Variants in ASAP1 observed in about 807,000 individuals in gnomAD.
ASAP1 encodes the protein arf-GAP with SH3 domain, ANK repeat and PH domain-containing protein 1.
Under a neutral mutation model 145.2 loss-of-function variants are expected in ASAP1, and 43 were observed. The ratio of observed to expected loss-of-function variants is 0.30; its 90% CI spans 0.23 to 0.38. The LOEUF is 0.38. Among genes scored for constraint, ASAP1 ranks in the 10% least tolerant of loss-of-function variants. ASAP1 has a pLI of 1.00. For synonymous variants in ASAP1, 546 were observed against 515.5 expected, an observed-to-expected ratio of 1.06 and a Z score of -0.80; for missense variants, 1,018 against 1,355.3, an observed-to-expected ratio of 0.75 and a Z score of 3.91.
rs1196584279 is a variant in ASAP1 at position 130,300,153 on chromosome 8, C to CACACACAGAGAG, written c.186+57863_186+57864insCTCTCTGTGTGT. On this transcript the variant is annotated intron_variant, in intron 3 of 29. Transcript: ENST00000518721. ...ACACACACACACACACACACACACA[C>CACACACAGAGAG]AGAGAGAGAGAGAGAGAGAGAGAGA... Among the ~76,000 whole-genome samples the CACACACAGAGAG allele has an allele frequency of 5.7e-4, 44 of 76,924 alleles. 1 individual carries two copies. The highest frequency in any genetic ancestry group is 2.9e-3 in the East Asian group (6 of 2,054). The allele number at this position is 76,924 out of a possible 152,430, so 50.5% of individuals were successfully genotyped here. A position where few individuals can be genotyped will look rare whatever the true frequency, so the allele number is the denominator to read the frequency against.
At chr8:130,373,021 G>GAC (rs1429747815) in intron 2 of ASAP1, among the ~76,000 whole-genome samples, 4 of 109,710 alleles carry the variant, frequency 3.6e-5, no homozygotes, top group South Asian at 4.6e-4. Context: ...CATACACACA[G>GAC]ACACACACAC....
chr8:130,433,299 A>G (rs1363541898), intron 1 of ASAP1, among the ~76,000 whole-genome samples: 4 of 152,202 alleles, frequency 2.6e-5, no homozygotes, highest in Admixed American at 2.6e-4. Flanking sequence ...AAAAATAGCC[A>G]GCACATTCCT....
At chr8:130,323,207 A>T (rs1173246144) in intron 3 of ASAP1, among the ~76,000 whole-genome samples, 1 of 152,202 alleles carries the variant, frequency 6.6e-6, no homozygotes, top group African/African-American at 2.4e-5. Flanking sequence ...GGAGGACAAG[A>T]TTCCTAATGC....
At chr8:130,402,918 GGGT>G (rs1828860689) in intron 1 of ASAP1, among the ~76,000 whole-genome samples, 1 of 75,406 alleles carries the variant, frequency 1.3e-5, no homozygotes, top group South Asian at 5.0e-4. Context: ...ATCTTTTGTG[GGGT>G]TTTTTTTTTT....
At chr8:130,070,923 GA>G (rs2097443571) in intron 27 of ASAP1, among the ~76,000 whole-genome samples, 2 of 34,904 alleles carry the variant, frequency 5.7e-5, no homozygotes, top group African/African-American at 3.2e-4. Flanking sequence ...GGGGGAGAGA[GA>G]GGGGGAGAGA....
At chr8:130,255,609 A>C (rs900574736) in intron 3 of ASAP1, among the ~76,000 whole-genome samples, 1 of 152,204 alleles carries the variant, frequency 6.6e-6, no homozygotes, top group African/African-American at 2.4e-5. Context: ...ATAAAAGCCT[A>C]ATTTTCAGGA....
intron 25 of ASAP1, chr8:130,084,094 A>G (rs2097487340): frequency 6.6e-6 from 1 of 152,282 alleles, no homozygotes; most frequent in African/African-American, 2.4e-5. Flanking sequence ...CGCCAGGCCG[A>G]TAACACCACT....
chr8:130,189,865 T>C (rs1815017706), intron 5 of ASAP1, among the ~76,000 whole-genome samples: 1 of 152,230 alleles, frequency 6.6e-6, no homozygotes, highest in South Asian at 2.1e-4. Context: ...TGAGATGATA[T>C]TTCACTGAAG....
intron 18 of ASAP1, among the ~76,000 whole-genome samples, chr8:130,119,804 T>C (rs1426962965): frequency 6.6e-6 from 1 of 152,090 alleles, no homozygotes; most frequent in East Asian, 1.9e-4. Flanking sequence ...AGCTTCAGTT[T>C]TTTTTTTTTA....
At chr8:130,261,768 G>T (rs1231439449) in intron 3 of ASAP1, among the ~76,000 whole-genome samples, 2 of 152,186 alleles carry the variant, frequency 1.3e-5, no homozygotes, top group East Asian at 3.9e-4. Context: ...TGTGTGGAGG[G>T]GGGCAAGGGA....
intron 2 of ASAP1, among the ~76,000 whole-genome samples, chr8:130,393,789 G>A (rs1323997482): frequency 6.6e-6 from 1 of 152,196 alleles, no homozygotes; most frequent in African/African-American, 2.4e-5. Context: ...AGAGGGACCA[G>A]CTGAAGCCGT....
At chr8:130,364,781 CTG>C (rs1826873810) in intron 2 of ASAP1, among the ~76,000 whole-genome samples, 1 of 152,124 alleles carries the variant, frequency 6.6e-6, no homozygotes, top group Admixed American at 6.5e-5. Flanking sequence ...AGAGGAGAAA[CTG>C]AGAACTTCCT....
At chr8:130,097,646 A>G (rs1454087033) in intron 24 of ASAP1, among the ~76,000 whole-genome samples, 1 of 152,224 alleles carries the variant, frequency 6.6e-6, no homozygotes, top group Non-Finnish European at 1.5e-5. Context: ...AGTGTATTGC[A>G]GAAGTGACTA....
At chr8:130,113,253 T>C (rs1262055506) in intron 23 of ASAP1, among the ~76,000 whole-genome samples, 1 of 152,184 alleles carries the variant, frequency 6.6e-6, no homozygotes, top group Non-Finnish European at 1.5e-5. Context: ...GCCAGGTGAA[T>C]GCATCTCACA....
In ASAP1 at chr8:130,149,038, G is replaced by C. The variant is rs570615064; in HGVS notation, c.1080+3698C>G. ...TTTTTTTTTTTTTTTTGTAGAGATA[G>C]GGTTTCTCCATGTTGCCCAGGCTGG... On this transcript the variant is annotated intron_variant, in intron 13 of 29. Transcript: ENST00000518721. Among the ~76,000 whole-genome samples, 3 of 143,726 alleles carry C rather than the reference G, an allele frequency of 2.1e-5. No homozygotes were observed. In the South Asian group the frequency reaches 6.8e-4, roughly 32 times the overall value. 94.3% of individuals were successfully genotyped at this position (143,726 alleles called of 152,430 possible). A position where few individuals can be genotyped will look rare whatever the true frequency, so the allele number is the denominator to read the frequency against.
chr8:130,329,254 G>A (rs1824530161), intron 3 of ASAP1, among the ~76,000 whole-genome samples: 1 of 152,134 alleles, frequency 6.6e-6, no homozygotes, highest in South Asian at 2.1e-4. Flanking sequence ...TTTCCATCCT[G>A]GTCTCTGTTG....
chr8:130,205,554 T>G (rs991078869), intron 5 of ASAP1, among the ~76,000 whole-genome samples: 1 of 149,788 alleles, frequency 6.7e-6, no homozygotes, highest in African/African-American at 2.4e-5. Context: ...TGCAGCCTGT[T>G]AGAGCAAATT....
At chr8:130,346,924 A>T (rs1241571510) in intron 3 of ASAP1, among the ~76,000 whole-genome samples, 1 of 152,258 alleles carries the variant, frequency 6.6e-6, no homozygotes, top group African/African-American at 2.4e-5. Context: ...ATAAAAAATG[A>T]TTAATGCAAC....
chr8:130,062,398 T>A (rs2097421476), intron 27 of ASAP1, among the ~76,000 whole-genome samples: 1 of 152,192 alleles, frequency 6.6e-6, no homozygotes, highest in Non-Finnish European at 1.5e-5. Flanking sequence ...TCTAAAAAAG[T>A]CAAAATCAAG....
Sources: allele counts gnomAD v4.1 joint callset (sites outside exome capture counted in the v4.1 genomes callset), GRCh38; gene constraint gnomAD v4.1.1; transcripts MANE v1.5; gene names NCBI Gene and HGNC (gene_info 2026-07-23, HGNC 2026-07-21).